The following PCDHGB2 variants were observed in gnomAD, a reference collection of about 807,000 sequenced individuals.
PCDHGB2 encodes protocadherin gamma-B2.
Under a neutral mutation model 59.3 loss-of-function variants are expected in PCDHGB2, and 55 were observed. The ratio of observed to expected loss-of-function variants is 0.93; its 90% CI spans 0.75 to 1.16. PCDHGB2 has a LOEUF of 1.16. Ranked by LOEUF, PCDHGB2 falls within the 50% of genes most tolerant of loss-of-function variation. The pLI, the probability that PCDHGB2 is intolerant of heterozygous loss-of-function variation, is 0.00. For missense variants in PCDHGB2, 1,228 were observed against 1,198.5 expected, an observed-to-expected ratio of 1.02 and a Z score of -0.36; for synonymous variants, 516 against 512.0, an observed-to-expected ratio of 1.01 and a Z score of -0.11.
intron 1 of PCDHGB2, chr5:141,479,437 C>G (rs2099496053): frequency 6.6e-6 from 1 of 152,224 alleles, no homozygotes; most frequent in Admixed American, 6.5e-5. Flanking sequence ...AATCCACTGT[C>G]TGCACTAAGT....
chr5:141,404,513 G>C, intron 1 of PCDHGB2: 2 of 1,613,786 alleles, frequency 1.2e-6, no homozygotes, highest in Non-Finnish European at 8.5e-7. Context: ...GTGCTCCTTT[G>C]ACTATGAGCA....
chr5:141,372,417 C>T lies in PCDHGB2; in HGVS notation c.2421+9861C>T, dbSNP rs762705826. 12 of 1,614,062 alleles carry T rather than the reference C, an allele frequency of 7.4e-6. No homozygotes were observed. In the South Asian group the frequency reaches 1.2e-4, roughly 16 times the overall value. ...TAGCTTGCAAGAGATACAACCTGAC[C>T]TTAGCGACCGCCCCACTCCCTCTGA... On this transcript the variant is annotated intron_variant, in intron 1 of 3. Transcript: ENST00000522605.
chr5:141,432,369 A>G lies in PCDHGB2; in HGVS notation c.2422-62438A>G. 6.2e-7 allele frequency: 1 copy of G among 1,614,222 alleles called. No homozygotes were observed. The highest frequency in any genetic ancestry group is 1.1e-5 in the South Asian group (1 of 91,084). ...CAAGTGAAAGTGATGGCGCGGGACA[A>G]CGGGCACCCGCCCCTCAGCAGCAAC... On this transcript the variant is annotated intron_variant, in intron 1 of 3. Coordinates refer to ENST00000522605, the MANE Select transcript of PCDHGB2 (RefSeq NM_018923.3). The surrounding 1 kb of genome is among the most constrained non-coding windows in gnomAD (Gnocchi z 6.0).
intron 1 of PCDHGB2, chr5:141,479,772 G>A (rs904607838): frequency 1.3e-5 from 2 of 152,192 alleles, no homozygotes; most frequent in Non-Finnish European, 2.9e-5. Flanking sequence ...CATATCCTTA[G>A]ACAGGTAAAG....
chr5:141,407,938 GC>G, intron 1 of PCDHGB2: 1 of 510,154 alleles, frequency 2.0e-6, no homozygotes, highest in Non-Finnish European at 3.3e-6. Context: ...GCCTCTGGGC[GC>G]CGCTGTCGGC....
At chr5:141,377,551 G>A (rs949060522) in intron 1 of PCDHGB2, 1 of 151,380 alleles carries the variant, frequency 6.6e-6, no homozygotes, top group Non-Finnish European at 1.5e-5. Flanking sequence ...AGATATAATT[G>A]TGTCACTGCA....
At chr5:141,374,447 G>C in intron 1 of PCDHGB2, 1 of 1,613,798 alleles carries the variant, frequency 6.2e-7, no homozygotes, top group Non-Finnish European at 8.5e-7. Flanking sequence ...CGTGGAAGTG[G>C]AAATAGTGGA....
intron 1 of PCDHGB2, among the ~76,000 whole-genome samples, chr5:141,445,441 C>G (rs1201825256): frequency 6.6e-6 from 1 of 152,152 alleles, no homozygotes; most frequent in East Asian, 1.9e-4. Context: ...GACCTATGGA[C>G]TAAGGATGCA....
chr5:141,500,189 TTTATTTATTTATTTATTTA>T (rs2099797567), intron 2 of PCDHGB2, among the ~76,000 whole-genome samples: 1 of 110,894 alleles, frequency 9.0e-6, no homozygotes, highest in Non-Finnish European at 1.8e-5. Flanking sequence ...TTTATTTTTA[TTTATTTATTTATTTATTTA>T]TTTATTTATT....
At chr5:141,370,349 G>C (rs371382232) in intron 1 of PCDHGB2, 27 of 1,496,692 alleles carry the variant, frequency 1.8e-5, no homozygotes, top group Non-Finnish European at 2.3e-5. Context: ...ATTATTTAAA[G>C]ATCTCCTCTC....
chr5:141,383,787 G>T, intron 1 of PCDHGB2: 1 of 1,613,950 alleles, frequency 6.2e-7, no homozygotes, highest in East Asian at 2.2e-5. Context: ...ATCTGAACTC[G>T]CTTACAGGAG....
chr5:141,410,980 A>G (rs2095454359), intron 1 of PCDHGB2: 1 of 175,670 alleles, frequency 5.7e-6, no homozygotes, highest in South Asian at 1.4e-4. Context: ...CAGCCTCCCA[A>G]GTAGCTGGGA....
rs1444244130 is a variant in PCDHGB2 at position 141,433,401 on chromosome 5, A to ATCTATCTC, written c.2422-61401_2422-61400insCTCTCTAT. The stretch of plus-strand genomic sequence containing the variant: ...TATCTATCTATCTATCTATCTATCT[A>ATCTATCTC]TCTATTACTTTCTTGTACAGACAGG... On this transcript the variant is annotated intron_variant, in intron 1 of 3. Transcript: ENST00000522605. Among the ~76,000 whole-genome samples, 100 of 150,598 alleles carry ATCTATCTC rather than the reference A, an allele frequency of 6.6e-4. 1 individual carries two copies. Among genetic ancestry groups the ATCTATCTC allele is most frequent in the African/African-American group, 2.4e-3 (100 of 40,958 alleles).
rs139156138 is a variant in PCDHGB2 at position 141,472,179 on chromosome 5, T to C, written c.2422-22628T>C. 5.1e-4 allele frequency among the ~76,000 whole-genome samples: 77 copies of C among 152,246 alleles called. 4 individuals are homozygous for C. The East Asian group carries it at 0.014, about 27-fold the overall frequency. On this transcript the variant is annotated intron_variant, in intron 1 of 3. Coordinates refer to ENST00000522605, the MANE Select transcript of PCDHGB2 (RefSeq NM_018923.3). ...TAGCTACTAGGTGTAATATCCAGTATTGGAATTTGAATCTTTTTGACACTA... is the reference window on the plus strand; with the variant it reads ...TAGCTACTAGGTGTAATATCCAGTACTGGAATTTGAATCTTTTTGACACTA...
At chr5:141,405,415 G>A in intron 1 of PCDHGB2, 4 of 1,559,568 alleles carry the variant, frequency 2.6e-6, no homozygotes, top group African/African-American at 1.4e-5. Flanking sequence ...TTCTTTTTTT[G>A]TTTTTTGTTT....
intron 1 of PCDHGB2, chr5:141,372,339 G>A (rs751001716): frequency 6.2e-7 from 1 of 1,613,798 alleles, no homozygotes; most frequent in South Asian, 1.1e-5. Flanking sequence ...TGTGCGTGAT[G>A]GAGGACAGCA....
intron 1 of PCDHGB2, chr5:141,424,630 A>G (rs1440031596): frequency 1.3e-5 from 2 of 152,366 alleles, no homozygotes; most frequent in East Asian, 3.9e-4. Flanking sequence ...TTGTGAATAT[A>G]TAAATAGATT....
At chr5:141,409,702 G>C (rs545411022) in intron 1 of PCDHGB2, 2 of 1,613,108 alleles carry the variant, frequency 1.2e-6, no homozygotes, top group African/African-American at 2.7e-5. Context: ...AGCCCCTGGC[G>C]GTGTCGTCAT....
rs1457243337 is a variant in PCDHGB2 at position 141,493,567 on chromosome 5, C to T, written c.2422-1240C>T. Reference sequence around the variant, plus strand: ...TTTGGAGATTGAGTTCCCCCAGCTCCGTTTCCTCCTATCACAATCACTGCA... The same window carrying T: ...TTTGGAGATTGAGTTCCCCCAGCTCTGTTTCCTCCTATCACAATCACTGCA... On this transcript the variant is annotated intron_variant, in intron 1 of 3. Transcript: ENST00000522605. This position sits in a 1 kb window ranked among gnomAD's most constrained non-coding sequence, Gnocchi z 4.3. Among the ~76,000 whole-genome samples, 3 of 152,266 alleles carry T rather than the reference C, an allele frequency of 2.0e-5. No individual in the cohort carries two copies. The highest frequency in any genetic ancestry group is 4.4e-5 in the Non-Finnish European group (3 of 68,018).
Sources: allele counts gnomAD v4.1 joint callset (sites outside exome capture counted in the v4.1 genomes callset), GRCh38; gene constraint gnomAD v4.1.1; non-coding constraint Gnocchi (gnomAD v3.1); transcripts MANE v1.5; gene names NCBI Gene and HGNC (gene_info 2026-07-23, HGNC 2026-07-21).